RGS6: variants seen among roughly 807,000 people sequenced by gnomAD.
RGS6 encodes regulator of G-protein signaling 6.
In RGS6, 30 loss-of-function variants were observed where a neutral mutation model predicts 78.5. The ratio of observed to expected loss-of-function variants is 0.38; its 90% CI spans 0.29 to 0.52. The LOEUF (loss-of-function observed/expected upper bound fraction) is 0.52, where lower values mean the gene tolerates loss of function less well. RGS6 is among the 20% of genes least tolerant of loss of function. The probability of loss-of-function intolerance (pLI) is 0.85; values close to 1 mark genes in which losing one functional copy is unlikely to be tolerated. For synonymous variants in RGS6, 206 were observed against 206.0 expected, an observed-to-expected ratio of 1.00 and a Z score of 0.00; for missense variants, 495 against 609.7, an observed-to-expected ratio of 0.81 and a Z score of 1.98.
chr14:72,398,445 C>T (rs1001830122), intron 3 of RGS6, among the ~76,000 whole-genome samples: 8 of 152,002 alleles, frequency 5.3e-5, no homozygotes, highest in Non-Finnish European at 1.0e-4. Context: ...TCTCTCTTTT[C>T]TTCTTTATTA....
chr14:71,934,881 G>A lies in RGS6; in HGVS notation c.-21+1940G>A, dbSNP rs569237934. ...CAGGAATTGCTGAACATTCTGTTTC[G>A]TGCCAGGGGTTAAATATCAGGGGAT... On this transcript the variant is annotated intron_variant, in intron 1 of 17. Coordinates refer to ENST00000553525, the MANE Select transcript of RGS6 (RefSeq NM_001204424.2). 1.5e-3 allele frequency among the ~76,000 whole-genome samples: 231 copies of A among 152,100 alleles called. 1 individual carries two copies. The highest frequency in any genetic ancestry group is 5.2e-3 in the African/African-American group (215 of 41,428).
At chr14:72,430,656 C>T (rs1186753070) in intron 3 of RGS6, among the ~76,000 whole-genome samples, 1 of 152,160 alleles carries the variant, frequency 6.6e-6, no homozygotes, top group Non-Finnish European at 1.5e-5. Flanking sequence ...GTTCCTGGCA[C>T]CTGCAGGCTT....
intron 3 of RGS6, among the ~76,000 whole-genome samples, chr14:72,385,045 T>C (rs995219009): frequency 6.6e-6 from 1 of 152,168 alleles, no homozygotes; most frequent in African/African-American, 2.4e-5. Flanking sequence ...CCATGGTGCC[T>C]GGCCGGTTTG....
At position 72,114,992 on chromosome 14, in the gene RGS6, C is replaced by T. The variant is rs61994826; in HGVS notation, c.84+150117C>T. On this transcript the variant is annotated intron_variant, in intron 2 of 17. Transcript: ENST00000553525. Reference sequence around the variant, plus strand: ...GAATCACAGAGGCACTATGTAAGTACGGCTCCTTTATCTAACAGATCATTT... The same window carrying T: ...GAATCACAGAGGCACTATGTAAGTATGGCTCCTTTATCTAACAGATCATTT... Among the ~76,000 whole-genome samples, 256 of 152,322 alleles carry T rather than the reference C, an allele frequency of 1.7e-3. 1 individual carries two copies. The highest frequency in any genetic ancestry group is 2.1e-3 in the Non-Finnish European group (145 of 68,036).
chr14:71,973,512 C>T (rs2093935953), intron 2 of RGS6, among the ~76,000 whole-genome samples: 1 of 152,112 alleles, frequency 6.6e-6, no homozygotes, highest in Admixed American at 6.5e-5. Context: ...TGGCAAAACC[C>T]TGTCTCTACT....
intron 2 of RGS6, among the ~76,000 whole-genome samples, chr14:71,985,399 G>A (rs1023562748): frequency 6.6e-6 from 1 of 152,178 alleles, no homozygotes; most frequent in African/African-American, 2.4e-5. Context: ...GGGGATTACA[G>A]CTGTGAGCCA....
intron 2 of RGS6, among the ~76,000 whole-genome samples, chr14:72,111,479 T>G (rs754033935): frequency 6.6e-6 from 1 of 152,156 alleles, no homozygotes; most frequent in Non-Finnish European, 1.5e-5. Flanking sequence ...AAATTACACA[T>G]CTAATAGAAT....
chr14:71,965,489 G>A (rs2093454262), intron 2 of RGS6, among the ~76,000 whole-genome samples: 1 of 152,184 alleles, frequency 6.6e-6, no homozygotes, highest in South Asian at 2.1e-4. Flanking sequence ...GAACATACCA[G>A]GTGATGAGAT....
rs11463702 is a variant in RGS6, at chr14:71,992,022, C to CTTT, written c.84+27161_84+27163dup. Among the ~76,000 whole-genome samples the CTTT allele has an allele frequency of 7.9e-4, 111 of 140,990 alleles. 1 individual carries two copies. The highest frequency in any genetic ancestry group is 2.4e-3 in the African/African-American group (90 of 38,134). The allele number at this position is 140,990 out of a possible 152,430, so 92.5% of individuals were successfully genotyped here. ...GTTTGCCTATGCTTGTCTAGAATAT[C>CTTT]TTTTTTTTTTTTTTTTGAGACAGAG... On this transcript the variant is annotated intron_variant, in intron 2 of 17. Transcript: ENST00000553525.
At chr14:72,537,606 G>T in intron 16 of RGS6, 1 of 701,846 alleles carries the variant, frequency 1.4e-6, no homozygotes, top group Non-Finnish European at 2.6e-6. Context: ...CTTTGGAGGA[G>T]GCCGACACCC....
intron 2 of RGS6, among the ~76,000 whole-genome samples, chr14:72,101,674 C>T (rs1004832978): frequency 4.6e-5 from 7 of 152,260 alleles, no homozygotes; most frequent in African/African-American, 1.7e-4. Flanking sequence ...CGCTTGGATA[C>T]GTGTTGTGCA....
intron 2 of RGS6, among the ~76,000 whole-genome samples, chr14:72,112,361 G>A (rs551046353): frequency 1.2e-4 from 19 of 152,258 alleles, no homozygotes; most frequent in African/African-American, 4.6e-4. Context: ...GGTTTTAGGG[G>A]CAGGTACCTG....
chr14:72,462,440 G>GA (rs2095805446), intron 6 of RGS6, among the ~76,000 whole-genome samples: 1 of 152,066 alleles, frequency 6.6e-6, no homozygotes, highest in African/African-American at 2.4e-5. Flanking sequence ...CCCTACTTGG[G>GA]AAAAAATTGG....
At chr14:72,530,683 C>T (rs568393399) in intron 15 of RGS6, among the ~76,000 whole-genome samples, 1 of 152,254 alleles carries the variant, frequency 6.6e-6, no homozygotes, top group East Asian at 1.9e-4. Context: ...AGAGCGAAGA[C>T]TCCATCTCAA....
intron 2 of RGS6, among the ~76,000 whole-genome samples, chr14:72,204,096 T>C (rs1392661424): frequency 6.6e-6 from 1 of 152,070 alleles, no homozygotes; most frequent in Non-Finnish European, 1.5e-5. Context: ...AGTGCTGGGG[T>C]TACAGGCATG....
intron 17 of RGS6, among the ~76,000 whole-genome samples, chr14:72,558,035 A>C (rs1298877698): frequency 6.6e-6 from 1 of 152,176 alleles, no homozygotes; most frequent in Non-Finnish European, 1.5e-5. Flanking sequence ...TAAAATGAAC[A>C]GACCTGAAGT....
intron 1 of RGS6, among the ~76,000 whole-genome samples, chr14:71,933,602 T>A (rs1396060048): frequency 6.6e-6 from 1 of 152,168 alleles, no homozygotes; most frequent in East Asian, 1.9e-4. Context: ...AAATTTAGTT[T>A]TGTTCAGAAT....
At chr14:72,568,863 A>T (rs1394650347), downstream of RGS6, among the ~76,000 whole-genome samples, 6 of 152,188 alleles carry the variant, frequency 3.9e-5, no homozygotes, top group African/African-American at 1.4e-4. Flanking sequence ...GAACACGTGG[A>T]CCTCCACGGG....
chr14:72,547,025 C>A, intron 17 of RGS6: 3 of 697,260 alleles, frequency 4.3e-6, no homozygotes, highest in Non-Finnish European at 7.2e-6. Flanking sequence ...CCTCGTGCAG[C>A]CACATGGGAA....
Sources: gnomAD v4.1 joint callset for allele counts (sites outside exome capture counted in the v4.1 genomes callset) on GRCh38, gnomAD v4.1.1 for gene constraint, MANE v1.5 for transcripts, NCBI Gene and HGNC (gene_info 2026-07-23, HGNC 2026-07-21) for gene names.